The following GBF1 variants were observed in gnomAD, a reference collection of about 807,000 sequenced individuals.
GBF1 encodes the protein Golgi-specific brefeldin A-resistance guanine nucleotide exchange factor 1.
Under a neutral mutation model 210.5 loss-of-function variants are expected in GBF1, and 114 were observed. That is an observed-to-expected ratio of 0.54 (90% CI 0.47 to 0.63). GBF1 has a LOEUF of 0.63. GBF1 is among the 30% of genes least tolerant of loss of function. The pLI is 0.00. For synonymous variants in GBF1, 850 were observed against 889.2 expected (o/e 0.96, Z 0.78); for missense variants, 1,851 against 2,357.7 (o/e 0.79, Z 4.45).
chr10:102,237,177 G>C, the GBF1 span, among the ~76,000 whole-genome samples: 3 of 151,884 alleles, frequency 2.0e-5, no homozygotes, highest in Non-Finnish European at 2.9e-5. Context: ...AGTGTAGGGA[G>C]GCAAACAGAG....
intron 3 of GBF1, among the ~76,000 whole-genome samples, chr10:102,299,779 C>T (rs576270662): frequency 3.8e-4 from 58 of 151,934 alleles, no homozygotes; most frequent in South Asian, 1.0e-3. Context: ...AGCGAAACTC[C>T]GTCCCAAAAA....
chr10:102,270,186 T>C (rs1164368542), intron 3 of GBF1, among the ~76,000 whole-genome samples: 1 of 151,492 alleles, frequency 6.6e-6, no homozygotes, highest in East Asian at 1.9e-4. Flanking sequence ...CCTTTTTTTT[T>C]TGAGACGGAG....
chr10:102,293,768 T>TTTTTC (rs2076656520), intron 3 of GBF1, among the ~76,000 whole-genome samples: 1 of 21,746 alleles, frequency 4.6e-5, no homozygotes, highest in South Asian at 1.8e-3. Flanking sequence ...TAGTATGTTT[T>TTTTTC]GTGTTTTTTT....
At chr10:102,367,837 G>A (rs1020503100) in intron 21 of GBF1, among the ~76,000 whole-genome samples, 3 of 152,226 alleles carry the variant, frequency 2.0e-5, no homozygotes, top group African/African-American at 7.2e-5. Flanking sequence ...ACATTTTCCT[G>A]TATAGATTAC....
Position 102,344,940 on chromosome 10 carries a change from G to T in GBF1, c.295+758G>T, listed in dbSNP as rs115530540. On this transcript the variant is annotated intron_variant, in intron 4 of 39. Transcript: ENST00000369983. The stretch of plus-strand genomic sequence containing the variant: ...GCAAATAGTGTGAACAGCCTAGTTT[G>T]AATCTTTATGTTTTTCTATGTCTTT... Among the ~76,000 whole-genome samples, 822 of 152,222 alleles carry T rather than the reference G, an allele frequency of 5.4e-3. 7 individuals are homozygous for T. Among genetic ancestry groups the T allele is most frequent in the African/African-American group, 0.019 (804 of 41,534 alleles).
At chr10:102,333,282 G>A (rs1245179009) in intron 3 of GBF1, among the ~76,000 whole-genome samples, 1 of 152,160 alleles carries the variant, frequency 6.6e-6, no homozygotes, top group African/African-American at 2.4e-5. Context: ...ACAGGTATGG[G>A]ACCTGTCCGT....
chr10:102,256,787 C>T (rs977303258), intron 1 of GBF1, among the ~76,000 whole-genome samples: 1 of 152,202 alleles, frequency 6.6e-6, no homozygotes, highest in African/African-American at 2.4e-5. Context: ...GCTGGGATTA[C>T]AGGCATGAGC....
In GBF1 at chr10:102,376,452, G is replaced by T; in HGVS notation, c.4047+20G>T. On this transcript the variant is annotated intron_variant, in intron 31 of 39. Transcript: ENST00000369983. ...TTAGTGGTGAGTGACAATATGGGCA[G>T]CAATTGAGTCTCTCCTGCTTGACCT... 6.2e-7 allele frequency: 1 copy of T among 1,613,574 alleles called. No homozygotes were observed. The highest frequency in any genetic ancestry group is 8.5e-7 in the Non-Finnish European group (1 of 1,179,468).
intron 1 of GBF1, among the ~76,000 whole-genome samples, chr10:102,254,464 G>A (rs2072051310): frequency 6.6e-6 from 1 of 152,236 alleles, no homozygotes; most frequent in East Asian, 1.9e-4. Flanking sequence ...TATATTTTTG[G>A]TATTCCATTA....
chr10:102,300,712 A>G (rs1284168164), intron 3 of GBF1, among the ~76,000 whole-genome samples: 1 of 152,126 alleles, frequency 6.6e-6, no homozygotes, highest in Non-Finnish European at 1.5e-5. Context: ...ACTTTTCCTA[A>G]TTTCTTTACA....
At chr10:102,270,996 C>T (rs1421411238) in intron 3 of GBF1, among the ~76,000 whole-genome samples, 5 of 151,952 alleles carry the variant, frequency 3.3e-5, no homozygotes, top group African/African-American at 4.8e-5. Flanking sequence ...CAGGCGCATG[C>T]CACCAAGCCT....
At chr10:102,288,739 A>AAC (rs2076187086) in intron 3 of GBF1, among the ~76,000 whole-genome samples, 1 of 149,454 alleles carries the variant, frequency 6.7e-6, no homozygotes, top group African/African-American at 2.5e-5. Flanking sequence ...AAAAAAACAA[A>AAC]AAAAAAAAAC....
chr10:102,285,343 C>G (rs913906258), intron 3 of GBF1, among the ~76,000 whole-genome samples: 2 of 152,196 alleles, frequency 1.3e-5, no homozygotes, highest in South Asian at 4.1e-4. Context: ...GCTTATCTTC[C>G]TGCTCACAGA....
At chr10:102,374,879 T>C (rs577767069) in intron 29 of GBF1, among the ~76,000 whole-genome samples, 16 of 152,190 alleles carry the variant, frequency 1.1e-4, no homozygotes, top group African/African-American at 3.9e-4. Flanking sequence ...CAATAAAAAT[T>C]TGTATTTGAG....
chr10:102,356,536 C>T (rs368318572), intron 8 of GBF1, among the ~76,000 whole-genome samples: 10 of 152,178 alleles, frequency 6.6e-5, no homozygotes, highest in African/African-American at 1.9e-4. Context: ...GAGGCCAAGG[C>T]GGGCGGATCA....
chr10:102,350,400 G>A (rs1194193017), intron 4 of GBF1, among the ~76,000 whole-genome samples: 1 of 151,548 alleles, frequency 6.6e-6, no homozygotes, highest in East Asian at 1.9e-4. Context: ...ACTCAGATAT[G>A]AGTATTGGCG....
intron 3 of GBF1, among the ~76,000 whole-genome samples, chr10:102,306,339 C>T: frequency 6.6e-6 from 1 of 152,210 alleles, no homozygotes; most frequent in East Asian, 1.9e-4. Flanking sequence ...AGAATTACTG[C>T]TGTTTCACTA....
chr10:102,231,123 G>C, the GBF1 span: 2 of 1,509,314 alleles, frequency 1.3e-6, no homozygotes, highest in Non-Finnish European at 1.8e-6. Flanking sequence ...GGAGAAAGGC[G>C]GTCAGGGCCC....
chr10:102,236,461 A>T, the GBF1 span, among the ~76,000 whole-genome samples: 1 of 152,194 alleles, frequency 6.6e-6, no homozygotes, highest in East Asian at 1.9e-4. Context: ...GCCCAGTCCC[A>T]CTGGTATCAG....
Sources: allele counts gnomAD v4.1 joint callset (sites outside exome capture counted in the v4.1 genomes callset), GRCh38; gene constraint gnomAD v4.1.1; transcripts MANE v1.5; gene names NCBI Gene and HGNC (gene_info 2026-07-23, HGNC 2026-07-21).